BRINP2: variants seen among roughly 807,000 people sequenced by gnomAD.
BRINP2 encodes the protein BMP/retinoic acid inducible neural specific 2.
Under a neutral mutation model 69.2 loss-of-function variants are expected in BRINP2, and 21 were observed. The ratio of observed to expected loss-of-function variants is 0.30; its 90% CI spans 0.22 to 0.44. BRINP2 has a LOEUF of 0.44. BRINP2 is among the 20% of genes least tolerant of loss of function. BRINP2 has a pLI of 1.00. For synonymous variants in BRINP2, 380 were observed against 394.1 expected (o/e 0.96, Z 0.42); for missense variants, 877 against 986.0 (o/e 0.89, Z 1.48).
Position 177,176,542 on chromosome 1 carries a change from T to TATC in BRINP2, c.-77+4812_-77+4813insCAT, listed in dbSNP as rs1648092696. Reference sequence around the variant, plus strand: ...TTATTATTATTATTATTATTATTATTATTATTATTATTTTTGGATAGTGTT... The same window carrying TATC: ...TTATTATTATTATTATTATTATTATTATCATTATTATTATTTTTGGATAGTGTT... On this transcript the variant is annotated intron_variant, in intron 1 of 7. Coordinates refer to ENST00000361539, the MANE Select transcript of BRINP2 (RefSeq NM_021165.4). 2.0e-5 allele frequency among the ~76,000 whole-genome samples: 3 copies of TATC among 148,638 alleles called. No homozygotes were observed. The East Asian group carries it at 5.8e-4, about 29-fold the overall frequency.
intron 1 of BRINP2, among the ~76,000 whole-genome samples, chr1:177,177,422 A>G (rs1174588384): frequency 6.6e-6 from 1 of 152,162 alleles, no homozygotes; most frequent in African/African-American, 2.4e-5. Context: ...CATTGTCATT[A>G]TTGTCATTCA....
At chr1:177,254,084 G>T (rs1650671755) in intron 2 of BRINP2, among the ~76,000 whole-genome samples, 1 of 152,102 alleles carries the variant, frequency 6.6e-6, no homozygotes, top group Non-Finnish European at 1.5e-5. Flanking sequence ...CCAAGACAAA[G>T]ATTTATAAAC....
chr1:177,240,879 A>T (rs1485852231), intron 2 of BRINP2, among the ~76,000 whole-genome samples: 1 of 152,190 alleles, frequency 6.6e-6, no homozygotes, highest in African/African-American at 2.4e-5. Flanking sequence ...CTTATTTCCT[A>T]GCCAGTGAAG....
In BRINP2 at chr1:177,229,725, C is replaced by T. The variant is rs1649804006; in HGVS notation, c.-76-76C>T. ...TAAAGGATTTCCGGAATGGGCCCAACCCAATTATGTGTGATGCTCACAGGC... is the reference window on the plus strand; with the variant it reads ...TAAAGGATTTCCGGAATGGGCCCAATCCAATTATGTGTGATGCTCACAGGC... On this transcript the variant is annotated intron_variant, in intron 1 of 7. Transcript: ENST00000361539. 8 of 1,097,974 alleles carry T rather than the reference C, an allele frequency of 7.3e-6. No homozygotes were observed. The South Asian group carries it at 1.5e-4, about 21-fold the overall frequency. 68.0% of individuals were successfully genotyped at this position (1,097,974 alleles called of 1,614,324 possible).
At chr1:177,212,267 CA>C (rs1243998881) in intron 1 of BRINP2, among the ~76,000 whole-genome samples, 1 of 152,118 alleles carries the variant, frequency 6.6e-6, no homozygotes, top group Non-Finnish European at 1.5e-5. Context: ...ACATTTAGGC[CA>C]GGCGCGGTGG....
At chr1:177,255,306 T>C (rs1009820079) in intron 2 of BRINP2, among the ~76,000 whole-genome samples, 1 of 152,256 alleles carries the variant, frequency 6.6e-6, no homozygotes, top group African/African-American at 2.4e-5. Context: ...TGTTATGTTA[T>C]ATGTAATGGG....
At chr1:177,202,379 C>G (rs1014476392) in intron 1 of BRINP2, among the ~76,000 whole-genome samples, 2 of 152,166 alleles carry the variant, frequency 1.3e-5, no homozygotes, top group Non-Finnish European at 2.9e-5. Flanking sequence ...TTGAATGTGT[C>G]CCAGAGATTC....
intron 4 of BRINP2, among the ~76,000 whole-genome samples, chr1:177,257,750 G>A (rs185627244): frequency 3.9e-5 from 6 of 152,318 alleles, no homozygotes; most frequent in African/African-American, 1.4e-4. Context: ...GGAGGGAGCA[G>A]CTCATACGAT....
At chr1:177,189,137 G>A (rs892875535) in intron 1 of BRINP2, among the ~76,000 whole-genome samples, 2 of 151,998 alleles carry the variant, frequency 1.3e-5, no homozygotes, top group Non-Finnish European at 2.9e-5. Context: ...ATGCAATTAG[G>A]ACTTATGATT....
intron 2 of BRINP2, among the ~76,000 whole-genome samples, chr1:177,254,199 C>T: frequency 6.6e-6 from 1 of 152,076 alleles, no homozygotes; most frequent in East Asian, 1.9e-4. Context: ...TAGAATAAGG[C>T]TTCTCAAAAT....
At chr1:177,228,120 T>C (rs1230590754) in intron 1 of BRINP2, among the ~76,000 whole-genome samples, 1 of 152,224 alleles carries the variant, frequency 6.6e-6, no homozygotes. Flanking sequence ...AATATACTAA[T>C]AATGGCTATT....
chr1:177,211,075 A>G (rs980443976), intron 1 of BRINP2, among the ~76,000 whole-genome samples: 5 of 151,462 alleles, frequency 3.3e-5, no homozygotes, highest in Non-Finnish European at 7.4e-5. Context: ...CAACCAGATA[A>G]CAAGTCTCCA....
Position 177,281,168 on chromosome 1 carries a change from G to A in BRINP2, c.1992G>A (p.Glu664=), listed in dbSNP as rs752832498. Residue 664 remains glutamate (E), a synonymous_variant, in exon 8 of 8, where the codon GAG becomes GAA. Coordinates refer to ENST00000361539, the MANE Select transcript of BRINP2 (RefSeq NM_021165.4). ...GCTCCAATGAGACAATCTACTATGAGCCCCTGGAGATGACTGATCCCTCTA... is the reference window on the plus strand; with the variant it reads ...GCTCCAATGAGACAATCTACTATGAACCCCTGGAGATGACTGATCCCTCTA... ...DDSSNETIYY[E]PLEMTDPSKN... The A allele has an allele frequency of 3.7e-6, 6 of 1,614,210 alleles. No individual in the cohort carries two copies. Among genetic ancestry groups the A allele is most frequent in the Non-Finnish European group, 3.4e-6 (4 of 1,180,034 alleles).
chr1:177,229,700 T>A (rs1259814417), intron 1 of BRINP2, 101 bp from the exon 2 acceptor site: 1 of 792,874 alleles, frequency 1.3e-6, no homozygotes, highest in Admixed American at 3.6e-5. Context: ...GTTACTAGCA[T>A]AAAGGATTTC....
chr1:177,232,667 T>C (rs935550843), intron 2 of BRINP2, among the ~76,000 whole-genome samples: 4 of 152,140 alleles, frequency 2.6e-5, no homozygotes, highest in Admixed American at 2.6e-4. Flanking sequence ...GGCAATTTCC[T>C]CTGGCAAATT....
At chr1:177,190,086 A>G (rs905931116) in intron 1 of BRINP2, among the ~76,000 whole-genome samples, 2 of 152,182 alleles carry the variant, frequency 1.3e-5, no homozygotes, top group African/African-American at 4.8e-5. Context: ...AAGCTTCCTC[A>G]GAATACCCTC....
Position 177,209,195 on chromosome 1 carries a change from G to A in BRINP2, c.-76-20606G>A, listed in dbSNP as rs914055962. ...TGGTGGCCCTGTAGGGGAAGCAAGG[G>A]GTTCTAAGTTAGGATATTTAAAAAA... On this transcript the variant is annotated intron_variant, in intron 1 of 7. Coordinates refer to ENST00000361539, the MANE Select transcript of BRINP2 (RefSeq NM_021165.4). Among the ~76,000 whole-genome samples the A allele has an allele frequency of 2.2e-4, 33 of 151,920 alleles. No individual in the cohort carries two copies. The Middle Eastern group carries it at 0.017, about 78-fold the overall frequency.
chr1:177,254,370 G>C (rs1210644778), intron 2 of BRINP2, among the ~76,000 whole-genome samples: 2 of 134,840 alleles, frequency 1.5e-5, no homozygotes, highest in East Asian at 4.0e-4. Flanking sequence ...AAACACATAA[G>C]CACACATGCA....
intron 4 of BRINP2, among the ~76,000 whole-genome samples, chr1:177,270,479 G>A (rs1420048684): frequency 6.6e-6 from 1 of 150,944 alleles, no homozygotes; most frequent in Non-Finnish European, 1.5e-5. Flanking sequence ...AGCCCAGCAT[G>A]ATGAACAAGA....
Sources: gnomAD v4.1 joint callset for allele counts (sites outside exome capture counted in the v4.1 genomes callset) on GRCh38, gnomAD v4.1.1 for gene constraint, MANE v1.5 for transcripts, NCBI Gene and HGNC (gene_info 2026-07-23, HGNC 2026-07-21) for gene names.